Variants in TOP3B observed in about 807,000 individuals in gnomAD.
TOP3B encodes the protein DNA topoisomerase III beta.
TOP3B carries 45 observed loss-of-function variants against 93.9 expected under a neutral mutation model. The observed-to-expected ratio is 0.48, with a 90% CI of 0.38 to 0.61. The LOEUF (loss-of-function observed/expected upper bound fraction) is 0.61. TOP3B is among the 20% of genes least tolerant of loss of function. TOP3B has a pLI of 0.00. For synonymous variants in TOP3B, 357 were observed against 472.6 expected, an observed-to-expected ratio of 0.76 and a Z score of 3.17; for missense variants, 750 against 1,156.1, an observed-to-expected ratio of 0.65 and a Z score of 5.09.
chr22:21,964,234 G>A lies in TOP3B; in HGVS notation c.1025C>T (p.Thr342Ile). 1.9e-6 allele frequency: 3 copies of A among 1,614,174 alleles called. No homozygotes were observed. Among genetic ancestry groups the A allele is most frequent in the Non-Finnish European group, 2.5e-6 (3 of 1,180,030 alleles). ...GYISYPRTETTHYPENFDLKG... is the reference protein window; with the variant it reads ...GYISYPRTETIHYPENFDLKG... ...CAGGTCAAAGTTCTCAGGGTAGTGG[G>A]TGGTCTCTGTCCGTGGGTAGCTGAT... The change falls in exon 10 of 18, where the codon ACC becomes ATC. Residue 342 changes from threonine to isoleucine, a missense_variant. Around this residue, in one of 4 missense-constraint regions of TOP3B, gnomAD observed 737 missense variants for 933.7 expected, o/e 0.79. Transcript: ENST00000357179.
Position 21,958,684 on chromosome 22 carries a change from T to C in TOP3B, c.1915A>G (p.Ser639Gly). ...TCGCAGTGGGAGCAGTGCAGGCGGCTTGGCTTGGCCTGCGGCAATGCCAGG... is the reference window on the plus strand; with the variant it reads ...TCGCAGTGGGAGCAGTGCAGGCGGCCTGGCTTGGCCTGCGGCAATGCCAGG... The part of the protein sequence containing the change: ...RFMKYIQAKP[S>G]RLHCSHCDET... The change falls in exon 17 of 18, where the codon AGC becomes GGC. Residue 639 changes from serine (S) to glycine (G), a missense_variant. Ser to Gly is a moderately conservative substitution (Grantham distance 56). Around this residue, in one of 4 missense-constraint regions of TOP3B, gnomAD observed 737 missense variants for 933.7 expected, o/e 0.79. Transcript: ENST00000357179. 5.6e-6 allele frequency: 9 copies of C among 1,599,240 alleles called. No homozygotes were observed. Among genetic ancestry groups the C allele is most frequent in the Non-Finnish European group, 7.7e-6 (9 of 1,169,322 alleles).
At chr22:21,974,153 T>C in intron 3 of TOP3B, 1 of 536,244 alleles carries the variant, frequency 1.9e-6, no homozygotes, top group South Asian at 2.4e-5. Context: ...GCCGCTATGA[T>C]GGGGACCCAG....
chr22:21,959,765 C>G (rs768187137), intron 14 of TOP3B, 29 bp from the exon 15 acceptor site: 2 of 1,604,144 alleles, frequency 1.2e-6, no homozygotes, highest in Non-Finnish European at 1.7e-6. Context: ...CAGATATTGC[C>G]CTGAGCACTC....
chr22:21,975,640 C>G lies in TOP3B; in HGVS notation c.70G>C (p.Gly24Arg). 1 of 1,611,132 alleles carries G rather than the reference C, an allele frequency of 6.2e-7. No individual in the cohort carries two copies. Among genetic ancestry groups the G allele is most frequent in the Non-Finnish European group, 8.5e-7 (1 of 1,177,946 alleles). The change falls in exon 2 of 18, where the codon GGG becomes CGG. Residue 24 changes from glycine to arginine, a missense_variant and splice_region_variant. By Grantham distance (125) the Gly-to-Arg change is moderately radical. Transcript: ENST00000357179. ...CCAAAGCAGGGCTGGTCTCTCCTACCTCTAGAGAGGATTTTGGCAATTGAC... is the reference window on the plus strand; with the variant it reads ...CCAAAGCAGGGCTGGTCTCTCCTACGTCTAGAGAGGATTTTGGCAATTGAC... ...AQSIAKILSRGSLSSHKGLNG... is the reference protein window; with the variant it reads ...AQSIAKILSRRSLSSHKGLNG...
At position 21,960,349 on chromosome 22, in the gene TOP3B, G is replaced by A. The variant is rs766767088; in HGVS notation, c.1626C>T (p.Ile542=). The change falls in exon 14 of 18, where the codon ATC becomes ATT. Residue 542 remains isoleucine, a synonymous_variant. Transcript: ENST00000357179. ...TCTTATAGTAGCCGTGCACCAGGAC[G>A]ATGCCGAGGTTGGTGGGCTTGAGCC... ...GRRLKPTNLG[I]VLVHGYYKID... 123 of 1,613,540 alleles carry A rather than the reference G, an allele frequency of 7.6e-5. No homozygotes were observed. The highest frequency in any genetic ancestry group is 1.1e-4 in the South Asian group (10 of 91,086).
Position 21,967,717 on chromosome 22 carries a change from C to T in TOP3B, c.739-1G>A. ...GAGATCTGTCTTTGTCAGTGTTAAC[C>T]TGCAGGAAAAAGGATAAAGGGTGAA... On this transcript the variant is annotated splice_acceptor_variant, in intron 7 of 17. Coordinates refer to ENST00000357179, the MANE Select transcript of TOP3B (RefSeq NM_001282112.2). LOFTEE classifies it high-confidence loss of function. 1 of 1,612,424 alleles carries T rather than the reference C, an allele frequency of 6.2e-7. No homozygotes were observed. The highest frequency in any genetic ancestry group is 8.5e-7 in the Non-Finnish European group (1 of 1,178,618).
Position 21,959,140 on chromosome 22 carries a change from A to G in TOP3B, c.1897T>C (p.Tyr633His), listed in dbSNP as rs1278325623. 1 of 1,613,668 alleles carries G rather than the reference A, an allele frequency of 6.2e-7. No homozygotes were observed. Among genetic ancestry groups the G allele is most frequent in the Non-Finnish European group, 8.5e-7 (1 of 1,179,986 alleles). ...GTGTTCCCTGCACCTACCTGGATGT[A>G]CTTCATGAAGCGGTGGCACTTCCCA... ...RCGKCHRFMK[Y>H]IQAKPSRLHC... The change falls in exon 16 of 18, where the codon TAC (tyrosine) becomes CAC (histidine). Residue 633 changes from tyrosine (Y) to histidine (H), a missense_variant. By Grantham distance (83) the Tyr-to-His change is moderately conservative. Transcript: ENST00000357179.
rs1215152286 is a variant in TOP3B at position 21,965,277 on chromosome 22, C to T, written c.943+8G>A. On this transcript the variant is annotated splice_region_variant and intron_variant, in intron 9 of 17. Coordinates refer to ENST00000357179, the MANE Select transcript of TOP3B (RefSeq NM_001282112.2). ...TTCTGGTGACTTGAGAGAAATGTCCCTACATACCCAGAGAAGAGCTGGCCA... is the reference window on the plus strand; with the variant it reads ...TTCTGGTGACTTGAGAGAAATGTCCTTACATACCCAGAGAAGAGCTGGCCA... 1.7e-5 allele frequency: 27 copies of T among 1,582,402 alleles called. No homozygotes were observed. Among genetic ancestry groups the T allele is most frequent in the Non-Finnish European group, 2.0e-5 (23 of 1,162,894 alleles).
Position 21,971,761 on chromosome 22 carries a change from C to T in TOP3B, c.384+116G>A, listed in dbSNP as rs1051664310. 1.5e-5 allele frequency: 13 copies of T among 870,348 alleles called. No homozygotes were observed. Among genetic ancestry groups the T allele is most frequent in the South Asian group, 5.6e-5 (4 of 71,918 alleles). The allele number at this position is 870,348 out of a possible 1,614,324, so 53.9% of individuals were successfully genotyped here. A position where few individuals can be genotyped will look rare whatever the true frequency, so the allele number is the denominator to read the frequency against. Reference sequence around the variant, plus strand: ...AGGGAGGGGAGAGGTGTTTTTAAACCGGTACAGTTTACTCCCTCCTTTGGC... The same window carrying T: ...AGGGAGGGGAGAGGTGTTTTTAAACTGGTACAGTTTACTCCCTCCTTTGGC... On this transcript the variant is annotated intron_variant, in intron 5 of 17. Transcript: ENST00000357179. This position sits in a 1 kb window ranked among gnomAD's most constrained non-coding sequence, Gnocchi z 4.6.
chr22:21,962,756 G>A lies in TOP3B; in HGVS notation c.1342C>T (p.Leu448Phe), dbSNP rs1432873072. 2 of 1,614,172 alleles carry A rather than the reference G, an allele frequency of 1.2e-6. No homozygotes were observed. Among genetic ancestry groups the A allele is most frequent in the Non-Finnish European group, 1.7e-6 (2 of 1,180,030 alleles). The change falls in exon 12 of 18, where the codon CTC becomes TTC. Residue 448 changes from leucine (L) to phenylalanine (F), a missense_variant. By Grantham distance (22) the Leu-to-Phe change is conservative. Coordinates refer to ENST00000357179, the MANE Select transcript of TOP3B (RefSeq NM_001282112.2). Reference sequence around the variant, plus strand: ...GGGCCCGTGGTGTGACCTGGTGAGAGGACGGTCTTCCCGGAGCAGGTGAAG... The same window carrying A: ...GGGCCCGTGGTGTGACCTGGTGAGAAGACGGTCTTCCCGGAGCAGGTGAAG... ...ELFTCSGKTV[L>F]SPGFTEVMPW...
In TOP3B at chr22:21,975,628, G is replaced by A. The variant is rs199825257; in HGVS notation, c.70+12C>T. ...CGTGCTTACAGACCAAAGCAGGGCT[G>A]GTCTCTCCTACCTCTAGAGAGGATT... On this transcript the variant is annotated intron_variant, in intron 2 of 17. Transcript: ENST00000357179. The A allele has an allele frequency of 6.9e-6, 11 of 1,605,308 alleles. No homozygotes were observed. The highest frequency in any genetic ancestry group is 1.3e-5 in the African/African-American group (1 of 74,882).
chr22:21,980,520 T>C (rs1040500459), intron 1 of TOP3B, among the ~76,000 whole-genome samples: 1 of 152,212 alleles, frequency 6.6e-6, no homozygotes, highest in Non-Finnish European at 1.5e-5. Context: ...ATCAGTAATC[T>C]TGACCAGAAA....
At position 21,957,353 on chromosome 22, in the gene TOP3B, T is replaced by C. The variant is rs1448158197; in HGVS notation, c.2350A>G (p.Asn784Asp). Residue 784 changes from asparagine to aspartate, a missense_variant, in exon 18 of 18, where the codon AAC becomes GAC. Transcript: ENST00000357179. Reference sequence around the variant, plus strand: ...CCCGGGAGTGGGGACTTGGCCTTGTTGAAGTCCACATCAAGCAAGGCGGCC... The same window carrying C: ...CCCGGGAGTGGGGACTTGGCCTTGTCGAAGTCCACATCAAGCAAGGCGGCC... ...CEAALLDVDF[N>D]KAKSPLPGDE... The C allele has an allele frequency of 6.2e-7, 1 of 1,610,480 alleles. No individual in the cohort carries two copies. Among genetic ancestry groups the C allele is most frequent in the Non-Finnish European group, 8.5e-7 (1 of 1,179,166 alleles).
At chr22:21,979,424 TG>T (rs1211251331) in intron 1 of TOP3B, among the ~76,000 whole-genome samples, 2 of 151,934 alleles carry the variant, frequency 1.3e-5, no homozygotes, top group Non-Finnish European at 2.9e-5. Context: ...TGAAGTCACC[TG>T]GGGAGACTCA....
chr22:21,959,311 G>T, intron 15 of TOP3B, 79 bp from the exon 16 acceptor site: 1 of 1,586,698 alleles, frequency 6.3e-7, no homozygotes, highest in South Asian at 1.1e-5. Context: ...TCAAGGGTCT[G>T]AGTGTGAAAG....
intron 9 of TOP3B, chr22:21,964,624 G>T: frequency 2.3e-6 from 1 of 434,062 alleles, no homozygotes; most frequent in Admixed American, 3.6e-5. Flanking sequence ...GATGACACAT[G>T]GCCTTCAGAG....
In TOP3B at chr22:21,959,194, C is replaced by A. The variant is rs1391146614; in HGVS notation, c.1843G>T (p.Ala615Ser). The A allele has an allele frequency of 1.9e-6, 3 of 1,613,466 alleles. No homozygotes were observed. Among genetic ancestry groups the A allele is most frequent in the Non-Finnish European group, 2.5e-6 (3 of 1,179,994 alleles). The change falls in exon 16 of 18, where the codon GCG (alanine) becomes TCG (serine). Residue 615 changes from alanine to serine, a missense_variant. Coordinates refer to ENST00000357179, the MANE Select transcript of TOP3B (RefSeq NM_001282112.2). The stretch of plus-strand genomic sequence containing the variant: ...CGTGAGAGGGGCTTGCCTGTGGCCG[C>A]CAGGGGCGAGAAAGACACCTCCATC... ...ELMEVSFSPL[A>S]ATGKPLSRCG...
At position 21,962,601 on chromosome 22, in the gene TOP3B, G is replaced by A. The variant is rs2071236784; in HGVS notation, c.1353C>T (p.Gly451=). The change falls in exon 13 of 18, where the codon GGC becomes GGT. Residue 451 remains glycine, a splice_region_variant and synonymous_variant. Transcript: ENST00000357179. ...TCTGCCAGGGCATGACCTCCGTGAA[G>A]CCTGGAGAGATATGCGCCGCCACTC... The part of the protein sequence containing the change: ...TCSGKTVLSP[G]FTEVMPWQSV... 3 of 1,611,728 alleles carry A rather than the reference G, an allele frequency of 1.9e-6. No individual in the cohort carries two copies. Among genetic ancestry groups the A allele is most frequent in the Non-Finnish European group, 2.5e-6 (3 of 1,178,638 alleles).
intron 4 of TOP3B, 74 bp downstream of exon 4, chr22:21,972,538 G>T: frequency 8.5e-7 from 1 of 1,180,218 alleles, no homozygotes; most frequent in Non-Finnish European, 1.2e-6. Context: ...ACTCAAGCAA[G>T]GGTGGGCAAA....
Sources: gnomAD v4.1 joint callset for allele counts (sites outside exome capture counted in the v4.1 genomes callset) on GRCh38, gnomAD v4.1.1 for gene constraint, gnomAD v4.1.1 regional missense constraint, Gnocchi (gnomAD v3.1) non-coding constraint, MANE v1.5 for transcripts, NCBI Gene and HGNC (gene_info 2026-07-23, HGNC 2026-07-21) for gene names.